Variants in EPM2A observed in about 807,000 individuals in gnomAD.
EPM2A encodes the protein EPM2A glucan phosphatase, laforin, also known as laforin.
EPM2A carries 21 observed loss-of-function variants against 26.5 expected under a neutral mutation model. The observed-to-expected ratio is 0.79, with a 90% CI of 0.56 to 1.14. The LOEUF (loss-of-function observed/expected upper bound fraction) is 1.14. EPM2A is among the 50% of genes most tolerant of loss of function. The probability of loss-of-function intolerance (pLI) is 0.00; values close to 1 mark genes in which losing one functional copy is unlikely to be tolerated. For synonymous variants in EPM2A, 217 were observed against 177.6 expected, an observed-to-expected ratio of 1.22 and a Z score of -1.76; for missense variants, 458 against 440.8, an observed-to-expected ratio of 1.04 and a Z score of -0.35.
At chr6:145,398,330 G>A (rs1778434377) in intron 4 of EPM2A, among the ~76,000 whole-genome samples, 1 of 152,104 alleles carries the variant, frequency 6.6e-6, no homozygotes, top group African/African-American at 2.4e-5. Context: ...TCCAGAGTTT[G>A]TATGAAACTT....
At chr6:145,487,487 C>T (rs556969491) in intron 4 of EPM2A, among the ~76,000 whole-genome samples, 1 of 152,332 alleles carries the variant, frequency 6.6e-6, no homozygotes, top group African/African-American at 2.4e-5. Context: ...CTTTTCTCTG[C>T]AACATCGCCA....
intron 4 of EPM2A, among the ~76,000 whole-genome samples, chr6:145,404,510 C>T (rs1384506451): frequency 6.6e-6 from 1 of 151,964 alleles, no homozygotes; most frequent in Non-Finnish European, 1.5e-5. Context: ...CAAATTGAAG[C>T]TCGCCCTTCA....
intron 2 of EPM2A, among the ~76,000 whole-genome samples, chr6:145,542,629 T>C (rs1467124448): frequency 6.6e-6 from 1 of 152,234 alleles, no homozygotes; most frequent in African/African-American, 2.4e-5. Context: ...TGGTAGGTAA[T>C]TGAAGCCAGG....
At chr6:145,613,540 C>G (rs528444821) in intron 2 of EPM2A, among the ~76,000 whole-genome samples, 1 of 152,164 alleles carries the variant, frequency 6.6e-6, no homozygotes, top group African/African-American at 2.4e-5. Context: ...GAAGTTACAG[C>G]TTTTTGAAAT....
At chr6:145,530,364 T>G (rs1432622625) in intron 2 of EPM2A, among the ~76,000 whole-genome samples, 1 of 152,228 alleles carries the variant, frequency 6.6e-6, no homozygotes, top group Admixed American at 6.5e-5. Context: ...TACATTCGTT[T>G]TACTTCATTC....
intron 2 of EPM2A, among the ~76,000 whole-genome samples, chr6:145,587,213 G>A (rs1781206856): frequency 6.6e-6 from 1 of 152,244 alleles, no homozygotes; most frequent in Non-Finnish European, 1.5e-5. Flanking sequence ...CAGGCAAATT[G>A]GAGATGCCTC....
intron 1 of EPM2A, among the ~76,000 whole-genome samples, chr6:145,725,002 T>A (rs1776129150): frequency 1.3e-5 from 2 of 151,978 alleles, no homozygotes; most frequent in African/African-American, 4.8e-5. Flanking sequence ...TTATTAATAG[T>A]TTTGTTTTGC....
intron 4 of EPM2A, among the ~76,000 whole-genome samples, chr6:145,475,130 A>G (rs1779525096): frequency 1.3e-5 from 2 of 152,222 alleles, no homozygotes; most frequent in Non-Finnish European, 1.5e-5. Flanking sequence ...TATATACCCA[A>G]AGGATTATAA....
intron 4 of EPM2A, among the ~76,000 whole-genome samples, chr6:145,394,353 GGCTT>G (rs1778377677): frequency 6.6e-6 from 1 of 152,044 alleles, no homozygotes; most frequent in Non-Finnish European, 1.5e-5. Context: ...CTGAGCACCA[GGCTT>G]TTAAAAAACT....
chr6:145,589,181 T>C (rs1032597891), intron 2 of EPM2A, among the ~76,000 whole-genome samples: 13 of 152,160 alleles, frequency 8.5e-5, no homozygotes, highest in African/African-American at 2.9e-4. Context: ...TGCTGGAATG[T>C]CTGAGCCATC....
intron 2 of EPM2A, among the ~76,000 whole-genome samples, chr6:145,515,133 G>A (rs144423671): frequency 1.3e-5 from 2 of 152,292 alleles, no homozygotes; most frequent in African/African-American, 2.4e-5. Flanking sequence ...AAGACAAGAA[G>A]GGTATGGGTA....
At chr6:145,564,125 A>T (rs113311839) in intron 2 of EPM2A, among the ~76,000 whole-genome samples, 56 of 152,334 alleles carry the variant, frequency 3.7e-4, no homozygotes, top group African/African-American at 1.3e-3. Context: ...GACAAGAAAA[A>T]TGTCTGTACC....
chr6:145,569,665 T>C (rs901726988), intron 2 of EPM2A, among the ~76,000 whole-genome samples: 1 of 152,242 alleles, frequency 6.6e-6, no homozygotes, highest in African/African-American at 2.4e-5. Flanking sequence ...TTTGAGTTTT[T>C]GCATTTATAT....
At chr6:145,569,098 A>G (rs1175661795) in intron 2 of EPM2A, among the ~76,000 whole-genome samples, 2 of 152,250 alleles carry the variant, frequency 1.3e-5, no homozygotes, top group Non-Finnish European at 2.9e-5. Flanking sequence ...CTTCAGAGTC[A>G]GAGAAAGGAA....
chr6:145,681,547 TCCATCTTGAATTGATTTTTGTATAAG>T (rs1780536139), intron 2 of EPM2A, among the ~76,000 whole-genome samples: 1 of 149,870 alleles, frequency 6.7e-6, no homozygotes, highest in Non-Finnish European at 1.5e-5. Flanking sequence ...AAGTCTTTAA[TCCATCTTGAATTGATTTTTGTATAAG>T]GTGTAAGGAA....
intron 4 of EPM2A, among the ~76,000 whole-genome samples, chr6:145,403,899 C>G (rs1395022919): frequency 6.6e-6 from 1 of 152,096 alleles, no homozygotes; most frequent in African/African-American, 2.4e-5. Flanking sequence ...CGAGGGTTCC[C>G]TTTTCTCCAC....
chr6:145,641,403 G>C (rs1777077940), intron 2 of EPM2A: 1 of 152,214 alleles, frequency 6.6e-6, no homozygotes, highest in South Asian at 2.1e-4. Flanking sequence ...AACAGATGCT[G>C]CCACTCAGCC....
intron 4 of EPM2A, among the ~76,000 whole-genome samples, chr6:145,385,466 C>A (rs1345315615): frequency 1.3e-5 from 2 of 152,048 alleles, no homozygotes; most frequent in Admixed American, 6.6e-5. Context: ...AAATTAAACT[C>A]CCAGTTTTTT....
chr6:145,645,175 T>C (rs975193864), intron 2 of EPM2A, among the ~76,000 whole-genome samples: 1 of 152,230 alleles, frequency 6.6e-6, no homozygotes, highest in East Asian at 1.9e-4. Context: ...CTAGCTTCTA[T>C]TGAGTGAAGT....
Sources: gnomAD v4.1 joint callset for allele counts (sites outside exome capture counted in the v4.1 genomes callset) on GRCh38, gnomAD v4.1.1 for gene constraint, MANE v1.5 for transcripts, NCBI Gene and HGNC (gene_info 2026-07-23, HGNC 2026-07-21) for gene names.